The following CNTN5 variants were observed in gnomAD, a reference collection of about 807,000 sequenced individuals.
CNTN5 encodes contactin 5.
CNTN5 carries 77 observed loss-of-function variants against 129.1 expected under a neutral mutation model. The observed-to-expected ratio is 0.60, with a 90% CI of 0.50 to 0.72. CNTN5 has a LOEUF of 0.72. CNTN5 is among the 30% of genes least tolerant of loss of function. The pLI, the probability that CNTN5 is intolerant of heterozygous loss-of-function variation, is 0.00. For missense variants in CNTN5, 1,478 were observed against 1,328.8 expected, an observed-to-expected ratio of 1.11 and a Z score of -1.75; for synonymous variants, 509 against 465.6, an observed-to-expected ratio of 1.09 and a Z score of -1.20.
chr11:99,363,814 C>T (rs1054614584), intron 2 of CNTN5, among the ~76,000 whole-genome samples: 1 of 152,090 alleles, frequency 6.6e-6, no homozygotes, highest in African/African-American at 2.4e-5. Flanking sequence ...AAGCAATAAT[C>T]TTTCATAGTT....
chr11:99,709,449 A>G (rs1242842497), intron 3 of CNTN5, among the ~76,000 whole-genome samples: 1 of 151,774 alleles, frequency 6.6e-6, no homozygotes, highest in Non-Finnish European at 1.5e-5. Context: ...AGAGAGTGAA[A>G]TTGTTTAAGA....
chr11:99,042,969 G>A (rs1864064696), intron 1 of CNTN5, among the ~76,000 whole-genome samples: 1 of 152,000 alleles, frequency 6.6e-6, no homozygotes, highest in South Asian at 2.1e-4. Context: ...TTTGTTGTCA[G>A]GCTCAAATTA....
chr11:99,525,889 GC>G (rs1363447548), intron 2 of CNTN5, among the ~76,000 whole-genome samples: 2 of 152,074 alleles, frequency 1.3e-5, no homozygotes, highest in African/African-American at 4.8e-5. Flanking sequence ...CAATCCTATT[GC>G]TTTGAAAGGC....
chr11:99,937,027 A>G (rs1436391329), intron 7 of CNTN5, among the ~76,000 whole-genome samples: 1 of 152,210 alleles, frequency 6.6e-6, no homozygotes, highest in Non-Finnish European at 1.5e-5. Flanking sequence ...GTAGGTCTCC[A>G]TATTTTATTC....
At chr11:99,287,571 T>A (rs17133382) in intron 1 of CNTN5, among the ~76,000 whole-genome samples, 14,802 of 152,036 alleles carry the variant, frequency 0.097, 1,554 homozygotes, top group East Asian at 0.45. Context: ...TACAAGTGGA[T>A]TATATGAGAA....
chr11:99,708,264 A>G (rs528615111), intron 3 of CNTN5, among the ~76,000 whole-genome samples: 1 of 151,782 alleles, frequency 6.6e-6, no homozygotes, highest in Non-Finnish European at 1.5e-5. Context: ...TTTTAAGAAA[A>G]TAGATGTTAA....
At chr11:99,739,619 G>C (rs192258373) in intron 3 of CNTN5, among the ~76,000 whole-genome samples, 1 of 152,222 alleles carries the variant, frequency 6.6e-6, no homozygotes, top group Non-Finnish European at 1.5e-5. Context: ...GAGGGGCTTG[G>C]AGATGGGAGA....
At chr11:99,115,128 G>A (rs888330821) in intron 1 of CNTN5, among the ~76,000 whole-genome samples, 3 of 152,186 alleles carry the variant, frequency 2.0e-5, no homozygotes, top group Admixed American at 1.3e-4. Flanking sequence ...CAAACTGTGA[G>A]AAATAAATTT....
intron 13 of CNTN5, among the ~76,000 whole-genome samples, chr11:100,184,547 A>C (rs1438623149): frequency 6.6e-6 from 1 of 152,130 alleles, no homozygotes; most frequent in Non-Finnish European, 1.5e-5. Flanking sequence ...GGACACATAC[A>C]AGACAAATTC....
intron 9 of CNTN5, among the ~76,000 whole-genome samples, chr11:100,018,128 C>T (rs994277489): frequency 6.6e-6 from 1 of 151,968 alleles, no homozygotes; most frequent in Non-Finnish European, 1.5e-5. Context: ...TTTCTTCAGG[C>T]ATCTTTTTAA....
At chr11:99,428,485 G>GGGA (rs575817020) in intron 2 of CNTN5, among the ~76,000 whole-genome samples, 102 of 150,868 alleles carry the variant, frequency 6.8e-4, no homozygotes, top group African/African-American at 2.4e-3. Context: ...TCTTGAACTT[G>GGGA]GGAGGAGGAG....
intron 4 of CNTN5, among the ~76,000 whole-genome samples, chr11:99,831,433 C>T (rs1004102527): frequency 6.6e-6 from 1 of 152,174 alleles, no homozygotes; most frequent in Non-Finnish European, 1.5e-5. Flanking sequence ...GTGTGACATG[C>T]AGTCAGGCAT....
intron 3 of CNTN5, among the ~76,000 whole-genome samples, chr11:99,659,934 T>C (rs1305694119): frequency 6.6e-6 from 1 of 152,152 alleles, no homozygotes; most frequent in Non-Finnish European, 1.5e-5. Context: ...AAGAAAATTA[T>C]GAGCCACACA....
intron 20 of CNTN5, among the ~76,000 whole-genome samples, chr11:100,305,500 T>G (rs1203153523): frequency 6.6e-6 from 1 of 151,654 alleles, no homozygotes; most frequent in Non-Finnish European, 1.5e-5. Context: ...TGGCTTAAAT[T>G]AATCTAACAC....
intron 2 of CNTN5, among the ~76,000 whole-genome samples, chr11:99,410,844 A>G (rs1942359838): frequency 6.6e-6 from 1 of 152,206 alleles, no homozygotes; most frequent in Non-Finnish European, 1.5e-5. Context: ...AATCATTTAT[A>G]GTTACTTGTC....
chr11:99,868,084 C>A (rs965233545), intron 6 of CNTN5, among the ~76,000 whole-genome samples: 1 of 152,036 alleles, frequency 6.6e-6, no homozygotes, highest in Admixed American at 6.5e-5. Context: ...GGCGTGGTGG[C>A]ATATGCCTAT....
intron 13 of CNTN5, among the ~76,000 whole-genome samples, chr11:100,178,542 T>C (rs1333556459): frequency 1.3e-5 from 2 of 152,080 alleles, no homozygotes; most frequent in African/African-American, 2.4e-5. Context: ...ACAAAGATTG[T>C]ACCTTAAAAC....
chr11:99,398,209 TG>T (rs1373155231), intron 2 of CNTN5, among the ~76,000 whole-genome samples: 1 of 151,910 alleles, frequency 6.6e-6, no homozygotes, highest in East Asian at 1.9e-4. Flanking sequence ...AGTGTTTTTT[TG>T]TTTTGTTTTG....
intron 1 of CNTN5, among the ~76,000 whole-genome samples, chr11:99,067,684 T>C (rs1865159057): frequency 6.6e-6 from 1 of 152,174 alleles, no homozygotes; most frequent in South Asian, 2.1e-4. Context: ...ACTAAATTAA[T>C]TTCAAAAGTT....
Sources: gnomAD v4.1 joint callset for allele counts (sites outside exome capture counted in the v4.1 genomes callset) on GRCh38, gnomAD v4.1.1 for gene constraint, MANE v1.5 for transcripts, NCBI Gene and HGNC (gene_info 2026-07-23, HGNC 2026-07-21) for gene names.